Variants in CDC42SE2 observed in about 807,000 individuals in gnomAD.
CDC42SE2 encodes the protein CDC42 small effector 2.
CDC42SE2 carries 3 observed loss-of-function variants against 11.5 expected under a neutral mutation model. The observed-to-expected ratio is 0.26, with a 90% CI of 0.12 to 0.67. CDC42SE2 has a LOEUF of 0.67. CDC42SE2 is among the 30% of genes least tolerant of loss of function. The pLI is 0.80. For missense variants in CDC42SE2, 82 were observed against 106.8 expected, an observed-to-expected ratio of 0.77 and a Z score of 1.02; for synonymous variants, 33 against 34.8, an observed-to-expected ratio of 0.95 and a Z score of 0.18.
chr5:131,271,690 C>G (rs1160289639), intron 1 of CDC42SE2, among the ~76,000 whole-genome samples: 9 of 152,190 alleles, frequency 5.9e-5, no homozygotes, highest in African/African-American at 2.2e-4. Flanking sequence ...GCTGCCATCA[C>G]CTCTTTGCTG....
the CDC42SE2 span, among the ~76,000 whole-genome samples, chr5:131,215,871 A>G: frequency 3.3e-5 from 5 of 152,244 alleles, no homozygotes. Context: ...CTGCTCTTGA[A>G]GTGATGCTTT....
intron 1 of CDC42SE2, among the ~76,000 whole-genome samples, chr5:131,271,227 C>T (rs957714930): frequency 3.3e-5 from 5 of 152,140 alleles, no homozygotes; most frequent in African/African-American, 1.2e-4. Context: ...TTAACCAGAA[C>T]TGCCCATGCT....
At chr5:131,379,558 G>T (rs762879290) in intron 3 of CDC42SE2, among the ~76,000 whole-genome samples, 1 of 151,948 alleles carries the variant, frequency 6.6e-6, no homozygotes, top group African/African-American at 2.4e-5. Flanking sequence ...CCTGCTTCTC[G>T]CCTCCTTGGA....
At chr5:131,274,799 T>C (rs2149696512) in intron 1 of CDC42SE2, among the ~76,000 whole-genome samples, 1 of 152,270 alleles carries the variant, frequency 6.6e-6, no homozygotes, top group South Asian at 2.1e-4. Context: ...ATAGTGTTGC[T>C]TTAGTGCTAG....
chr5:131,335,675 A>T (rs1758540881), intron 2 of CDC42SE2, among the ~76,000 whole-genome samples: 1 of 152,220 alleles, frequency 6.6e-6, no homozygotes, highest in Admixed American at 6.5e-5. Flanking sequence ...ACATGTATTT[A>T]GGATAGTTAG....
chr5:131,339,246 GAAAAAAAAAAAAA>G (rs34594352), intron 2 of CDC42SE2, among the ~76,000 whole-genome samples: 2 of 28,230 alleles, frequency 7.1e-5, no homozygotes, highest in East Asian at 1.2e-3. Context: ...GACTCTGTCT[GAAAAAAAAAAAAA>G]AAAAAAAAAA....
chr5:131,222,250 A>G, the CDC42SE2 span, among the ~76,000 whole-genome samples: 6 of 152,366 alleles, frequency 3.9e-5, no homozygotes, highest in African/African-American at 1.4e-4. Flanking sequence ...TCACAAGCAC[A>G]CAGGAAGTCA....
At chr5:131,291,070 G>A (rs918646412) in intron 1 of CDC42SE2, among the ~76,000 whole-genome samples, 5 of 152,144 alleles carry the variant, frequency 3.3e-5, no homozygotes, top group African/African-American at 1.2e-4. Flanking sequence ...ATTTATAAGT[G>A]TGCCTGATTT....
intron 2 of CDC42SE2, among the ~76,000 whole-genome samples, chr5:131,349,902 T>A (rs1057169123): frequency 5.3e-5 from 8 of 152,194 alleles, no homozygotes; most frequent in Admixed American, 4.6e-4. Context: ...ATTTTCTTAA[T>A]CTTTTTGCTT....
At chr5:131,289,206 A>G (rs996880274) in intron 1 of CDC42SE2, among the ~76,000 whole-genome samples, 7 of 152,356 alleles carry the variant, frequency 4.6e-5, no homozygotes, top group African/African-American at 1.7e-4. Context: ...AATGGGAAGT[A>G]CTGCTATAAA....
chr5:131,383,848 A>G (rs1045993127), intron 3 of CDC42SE2, among the ~76,000 whole-genome samples: 2 of 152,218 alleles, frequency 1.3e-5, no homozygotes, highest in Non-Finnish European at 2.9e-5. Context: ...AATATTTACT[A>G]TCTAGCTTGG....
At chr5:131,309,878 T>G (rs1041314251) in intron 1 of CDC42SE2, among the ~76,000 whole-genome samples, 7 of 151,936 alleles carry the variant, frequency 4.6e-5, no homozygotes, top group African/African-American at 1.7e-4. Flanking sequence ...TCAATTTTGT[T>G]GATCCTTTCA....
the CDC42SE2 span, among the ~76,000 whole-genome samples, chr5:131,232,040 T>C: frequency 6.6e-6 from 1 of 152,156 alleles, no homozygotes; most frequent in Non-Finnish European, 1.5e-5. Flanking sequence ...TCCACCCGCC[T>C]TGGCCTCCCA....
chr5:131,232,940 A>G, the CDC42SE2 span, among the ~76,000 whole-genome samples: 4,910 of 151,622 alleles, frequency 0.032, 269 homozygotes, highest in African/African-American at 0.11. Flanking sequence ...CAGTAAAAAA[A>G]AAAAGAAAAA....
At chr5:131,302,119 G>A (rs1301168925) in intron 1 of CDC42SE2, among the ~76,000 whole-genome samples, 1 of 151,784 alleles carries the variant, frequency 6.6e-6, no homozygotes, top group African/African-American at 2.4e-5. Flanking sequence ...CGATTCTCCT[G>A]CCTCAGCCTC....
chr5:131,325,858 T>C (rs970461819), intron 2 of CDC42SE2, among the ~76,000 whole-genome samples: 1 of 152,184 alleles, frequency 6.6e-6, no homozygotes, highest in East Asian at 1.9e-4. Context: ...GCTTCTTCTA[T>C]TGTATTTGTA....
At chr5:131,342,021 C>A (rs1311153548) in intron 2 of CDC42SE2, among the ~76,000 whole-genome samples, 1 of 152,118 alleles carries the variant, frequency 6.6e-6, no homozygotes, top group Non-Finnish European at 1.5e-5. Flanking sequence ...GTGGCTCATG[C>A]CTGTAATCCC....
chr5:131,328,279 A>G (rs919359234), intron 2 of CDC42SE2, among the ~76,000 whole-genome samples: 1 of 152,154 alleles, frequency 6.6e-6, no homozygotes, highest in African/African-American at 2.4e-5. Flanking sequence ...GTGATATCTA[A>G]TATTAATCTT....
At chr5:131,353,625 G>T (rs1749434602) in intron 2 of CDC42SE2, among the ~76,000 whole-genome samples, 1 of 152,128 alleles carries the variant, frequency 6.6e-6, no homozygotes, top group Admixed American at 6.5e-5. Context: ...GTCATTTAAG[G>T]CTGGGCATGG....
Sources: allele counts gnomAD v4.1 joint callset (sites outside exome capture counted in the v4.1 genomes callset), GRCh38; gene constraint gnomAD v4.1.1; transcripts MANE v1.5; gene names NCBI Gene and HGNC (gene_info 2026-07-23, HGNC 2026-07-21).